Variants in CNN3 observed in about 807,000 individuals in gnomAD.
The protein encoded by CNN3 is calponin 3, also known as calponin-3.
In CNN3, 11 loss-of-function variants were observed where a neutral mutation model predicts 39.0. That is an observed-to-expected ratio of 0.28 (90% CI 0.18 to 0.47). The LOEUF (loss-of-function observed/expected upper bound fraction) is 0.47, where lower values mean the gene tolerates loss of function less well. CNN3 is among the 20% of genes least tolerant of loss of function. CNN3 has a pLI of 0.99. For missense variants in CNN3, 266 were observed against 403.4 expected, an observed-to-expected ratio of 0.66 and a Z score of 2.92; for synonymous variants, 101 against 138.3, an observed-to-expected ratio of 0.73 and a Z score of 1.89.
chr1:94,925,541 C>T (rs1343265505), intron 1 of CNN3: 3 of 931,542 alleles, frequency 3.2e-6, no homozygotes, highest in Non-Finnish European at 3.8e-6. Flanking sequence ...AAATCAACTC[C>T]TTGCTTCAAA....
At chr1:94,922,614 C>G (rs1356372453) in intron 1 of CNN3, among the ~76,000 whole-genome samples, 2 of 152,080 alleles carry the variant, frequency 1.3e-5, no homozygotes, top group African/African-American at 2.4e-5. Flanking sequence ...ACATTTTTAC[C>G]AAGATTCTGG....
At chr1:94,922,046 T>A (rs1671462130) in intron 1 of CNN3, among the ~76,000 whole-genome samples, 1 of 152,124 alleles carries the variant, frequency 6.6e-6, no homozygotes, top group Non-Finnish European at 1.5e-5. Context: ...AGTCAAAATA[T>A]CTATCTTAAG....
At chr1:94,915,589 C>T (rs1477205414) in intron 1 of CNN3, among the ~76,000 whole-genome samples, 2 of 152,148 alleles carry the variant, frequency 1.3e-5, no homozygotes, top group African/African-American at 4.8e-5. Flanking sequence ...GTGCTATGCC[C>T]CAACACAAAG....
intron 1 of CNN3, among the ~76,000 whole-genome samples, chr1:94,904,641 G>T (rs1262139743): frequency 6.6e-6 from 1 of 152,098 alleles, no homozygotes; most frequent in Admixed American, 6.5e-5. Context: ...CAGTGACTTG[G>T]AAGGCTGAGG....
chr1:94,926,605 C>CACTG lies in CNN3; in HGVS notation c.57+232_57+233insCAGT, dbSNP rs1671589874. 6.6e-6 allele frequency among the ~76,000 whole-genome samples: 1 copy of CACTG among 152,148 alleles called. No individual in the cohort carries two copies. The highest frequency in any genetic ancestry group is 1.5e-5 in the Non-Finnish European group (1 of 68,006). On this transcript the variant is annotated intron_variant, in intron 1 of 6. Coordinates refer to ENST00000370206, the MANE Select transcript of CNN3 (RefSeq NM_001839.5). The surrounding 1 kb of genome is among the most constrained non-coding windows in gnomAD (Gnocchi z 4.2). The stretch of plus-strand genomic sequence containing the variant: ...AGGCGCCCGGGAACCCACCGCCAGC[C>CACTG]ACTAGTCCTGTCCCACGGCGCGGGA...
chr1:94,920,065 C>T (rs1268458333), intron 1 of CNN3, among the ~76,000 whole-genome samples: 1 of 152,160 alleles, frequency 6.6e-6, no homozygotes, highest in Non-Finnish European at 1.5e-5. Context: ...CTATCTGAAA[C>T]CAAGAAAGGA....
Position 94,897,564 on chromosome 1 carries a change from G to A in CNN3, c.*178C>T. 1 of 587,812 alleles carries A rather than the reference G, an allele frequency of 1.7e-6. No homozygotes were observed. Among genetic ancestry groups the A allele is most frequent in the Non-Finnish European group, 3.0e-6 (1 of 334,196 alleles). The allele number at this position is 587,812 out of a possible 1,614,324, so 36.4% of individuals were successfully genotyped here. On this transcript the variant is annotated 3_prime_UTR_variant, in exon 7 of 7. Transcript: ENST00000370206. Reference sequence around the variant, plus strand: ...GATTTAACTATTACAGCACTAAAAGGCAACTATTGAGGGAAGAGGCAGAAA... The same window carrying A: ...GATTTAACTATTACAGCACTAAAAGACAACTATTGAGGGAAGAGGCAGAAA...
intron 5 of CNN3, 133 bp from the exon 6 acceptor site, chr1:94,899,650 A>G (rs1670814248): frequency 2.3e-6 from 2 of 853,052 alleles, no homozygotes; most frequent in African/African-American, 3.5e-5. Flanking sequence ...GCTCCAGTCA[A>G]CTCTTCTATG....
In CNN3 at chr1:94,926,643, G is replaced by A. The variant is rs1369176233; in HGVS notation, c.57+195C>T. Among the ~76,000 whole-genome samples, 1 of 152,158 alleles carries A rather than the reference G, an allele frequency of 6.6e-6. No homozygotes were observed. Among genetic ancestry groups the A allele is most frequent in the Non-Finnish European group, 1.5e-5 (1 of 68,014 alleles). The stretch of plus-strand genomic sequence containing the variant: ...CCACGGCGCGGGAACAAAGCCAGGC[G>A]GGTGCCCGGGAGCCGGCCCCGCAAG... On this transcript the variant is annotated intron_variant, in intron 1 of 6. Transcript: ENST00000370206. This position sits in a 1 kb window ranked among gnomAD's most constrained non-coding sequence, Gnocchi z 4.2.
At chr1:94,900,888 A>G (rs576713987) in intron 5 of CNN3, among the ~76,000 whole-genome samples, 1 of 152,296 alleles carries the variant, frequency 6.6e-6, no homozygotes, top group African/African-American at 2.4e-5. Flanking sequence ...GGTCGTGTAA[A>G]ATTGCCTAAT....
At chr1:94,916,086 G>A (rs189273058) in intron 1 of CNN3, among the ~76,000 whole-genome samples, 314 of 152,234 alleles carry the variant, frequency 2.1e-3, no homozygotes, top group Non-Finnish European at 3.4e-3. Flanking sequence ...CCTGCTGCCA[G>A]CCTCATACAC....
intron 1 of CNN3, among the ~76,000 whole-genome samples, chr1:94,923,516 G>T (rs1671501175): frequency 6.8e-6 from 1 of 147,648 alleles, no homozygotes; most frequent in Admixed American, 6.7e-5. Context: ...TTTTTTTTAA[G>T]GCTGTTTTCA....
intron 1 of CNN3, among the ~76,000 whole-genome samples, chr1:94,909,188 C>T (rs75059168): frequency 0.053 from 8,114 of 152,052 alleles, 501 homozygotes; most frequent in Admixed American, 0.19. Flanking sequence ...AAGTATGTAG[C>T]GCATGCATTC....
chr1:94,903,365 G>T, intron 2 of CNN3, 38 bp downstream of exon 2: 1 of 1,554,440 alleles, frequency 6.4e-7, no homozygotes, highest in Non-Finnish European at 8.7e-7. Flanking sequence ...GGAAAGAACT[G>T]GAAGAGCAGA....
At chr1:94,899,249 A>C (rs1327698970) in intron 6 of CNN3, 122 bp downstream of exon 6, 2 of 1,055,398 alleles carry the variant, frequency 1.9e-6, no homozygotes, top group South Asian at 2.3e-5. Context: ...TTCCCAGCAA[A>C]GTCCACATTC....
chr1:94,917,973 G>T (rs1387832193), intron 1 of CNN3, among the ~76,000 whole-genome samples: 1 of 152,104 alleles, frequency 6.6e-6, no homozygotes, highest in African/African-American at 2.4e-5. Flanking sequence ...TTCCATCATT[G>T]GATGCTCCCC....
At chr1:94,907,704 C>CA (rs1277993645) in intron 1 of CNN3, among the ~76,000 whole-genome samples, 12 of 152,180 alleles carry the variant, frequency 7.9e-5, no homozygotes, top group East Asian at 5.8e-4. Context: ...GCTAAAAATA[C>CA]AAAAAATTAG....
chr1:94,901,570 T>G, intron 5 of CNN3, 99 bp downstream of exon 5: 7 of 754,090 alleles, frequency 9.3e-6, no homozygotes, highest in Admixed American at 2.1e-5. Flanking sequence ...CCCAGTACTA[T>G]AGTACTTCTG....
At position 94,897,453 on chromosome 1, in the gene CNN3, T is replaced by C. The variant is rs571604039; in HGVS notation, c.*289A>G. ...AAGATTGTAAAAATGCATAGATTTTTGCATAAAAGAACTGGCTGTACAAGA... is the reference window on the plus strand; with the variant it reads ...AAGATTGTAAAAATGCATAGATTTTCGCATAAAAGAACTGGCTGTACAAGA... On this transcript the variant is annotated 3_prime_UTR_variant, in exon 7 of 7. Coordinates refer to ENST00000370206, the MANE Select transcript of CNN3 (RefSeq NM_001839.5). The C allele has an allele frequency of 3.7e-6, 1 of 273,144 alleles. No individual in the cohort carries two copies. Among genetic ancestry groups the C allele is most frequent in the African/African-American group, 2.2e-5 (1 of 45,644 alleles). The allele number at this position is 273,144 out of a possible 1,614,324, so 16.9% of individuals were successfully genotyped here.
Sources: allele counts gnomAD v4.1 joint callset (sites outside exome capture counted in the v4.1 genomes callset), GRCh38; gene constraint gnomAD v4.1.1; non-coding constraint Gnocchi (gnomAD v3.1); transcripts MANE v1.5; gene names NCBI Gene and HGNC (gene_info 2026-07-23, HGNC 2026-07-21).